Variants in PDE4D observed in about 807,000 individuals in gnomAD.
PDE4D encodes the protein phosphodiesterase 4D.
In PDE4D, 24 loss-of-function variants were observed where a neutral mutation model predicts 87.4. The observed-to-expected ratio is 0.27, with a 90% CI of 0.20 to 0.39. The LOEUF is 0.39. Among genes scored for constraint, PDE4D ranks in the 10% least tolerant of loss-of-function variants. PDE4D has a pLI of 1.00. For synonymous variants in PDE4D, 384 were observed against 383.2 expected (o/e 1.00, Z -0.02); for missense variants, 714 against 1,041.0 (o/e 0.69, Z 4.32).
chr5:59,097,974 T>C (rs1036461046), intron 5 of PDE4D, among the ~76,000 whole-genome samples: 3 of 152,122 alleles, frequency 2.0e-5, no homozygotes, highest in Admixed American at 6.6e-5. Flanking sequence ...GAAATAGGGT[T>C]TTACATCCTA....
At chr5:59,359,807 A>G (rs1781923453) in intron 1 of PDE4D, among the ~76,000 whole-genome samples, 1 of 152,208 alleles carries the variant, frequency 6.6e-6, no homozygotes, top group Admixed American at 6.5e-5. Flanking sequence ...ATTCAATAGC[A>G]AGGAGAGATG....
chr5:59,569,121 A>G (rs1162445443), intron 1 of PDE4D, among the ~76,000 whole-genome samples: 9 of 152,200 alleles, frequency 5.9e-5, no homozygotes, highest in African/African-American at 2.2e-4. Context: ...GTAAGGCCTA[A>G]TCTTACTGAC....
intron 1 of PDE4D, among the ~76,000 whole-genome samples, chr5:60,342,426 T>A (rs1758393271): frequency 6.6e-6 from 1 of 152,170 alleles, no homozygotes; most frequent in Non-Finnish European, 1.5e-5. Flanking sequence ...TGCGTCAGTA[T>A]CTTAGTCTTT....
chr5:59,234,277 CTTTCT>C (rs1478392896), intron 1 of PDE4D, among the ~76,000 whole-genome samples: 2 of 151,914 alleles, frequency 1.3e-5, no homozygotes, highest in Non-Finnish European at 1.5e-5. Context: ...TGTATTTTGT[CTTTCT>C]TTTTTCTTTT....
chr5:60,392,196 A>G (rs1421905081), intron 1 of PDE4D, among the ~76,000 whole-genome samples: 2 of 152,170 alleles, frequency 1.3e-5, no homozygotes, highest in African/African-American at 2.4e-5. Context: ...GTTTGTACTG[A>G]TGGTTTTTAT....
intron 1 of PDE4D, among the ~76,000 whole-genome samples, chr5:59,354,486 T>A (rs1441019926): frequency 4.6e-5 from 7 of 152,186 alleles, no homozygotes. Flanking sequence ...TGCGTGCATG[T>A]GCCTGTGTGT....
At chr5:59,217,543 T>C (rs1751531109) in intron 1 of PDE4D, among the ~76,000 whole-genome samples, 1 of 152,186 alleles carries the variant, frequency 6.6e-6, no homozygotes, top group Admixed American at 6.5e-5. Context: ...TTTTTCCAAC[T>C]TAAAATTTTC....
intron 5 of PDE4D, among the ~76,000 whole-genome samples, chr5:59,170,540 G>A (rs1782597495): frequency 6.6e-6 from 1 of 152,084 alleles, no homozygotes; most frequent in African/African-American, 2.4e-5. Context: ...GAAATAACAT[G>A]TTTGTCACTA....
intron 1 of PDE4D, among the ~76,000 whole-genome samples, chr5:60,445,897 G>A (rs563363362): frequency 1.2e-4 from 18 of 151,686 alleles, no homozygotes; most frequent in Non-Finnish European, 2.4e-4. Flanking sequence ...TAAGAAACTT[G>A]GAAAAAAATA....
At chr5:60,276,646 A>C (rs1048471703) in intron 1 of PDE4D, among the ~76,000 whole-genome samples, 3 of 152,098 alleles carry the variant, frequency 2.0e-5, no homozygotes, top group African/African-American at 7.2e-5. Context: ...TTCTTTCCAC[A>C]AATTCTCTCT....
intron 2 of PDE4D, among the ~76,000 whole-genome samples, chr5:60,153,030 G>C (rs544840151): frequency 1.3e-5 from 2 of 152,152 alleles, no homozygotes; most frequent in East Asian, 3.9e-4. Context: ...TAGACAAGTG[G>C]GACTACATCA....
upstream of PDE4D, chr5:59,893,881 C>CTTGGTGACTTGGGG: frequency 8.3e-7 from 1 of 1,199,338 alleles, no homozygotes; most frequent in Non-Finnish European, 1.1e-6. Flanking sequence ...CTCCCCAAGT[C>CTTGGTGACTTGGGG]ACCAAGACTA....
chr5:59,049,554 A>G (rs924055684), intron 5 of PDE4D, among the ~76,000 whole-genome samples: 1 of 152,232 alleles, frequency 6.6e-6, no homozygotes, highest in Admixed American at 6.5e-5. Context: ...TTCATATGTA[A>G]TGATCCTTAC....
intron 2 of PDE4D, among the ~76,000 whole-genome samples, chr5:60,064,305 G>A (rs1253437562): frequency 1.3e-5 from 2 of 152,002 alleles, no homozygotes. Context: ...GTTTTATTGT[G>A]CATATTTTAT....
chr5:59,748,768 C>G (rs369763009), intron 1 of PDE4D, among the ~76,000 whole-genome samples: 3 of 152,082 alleles, frequency 2.0e-5, no homozygotes, highest in Non-Finnish European at 4.4e-5. Flanking sequence ...CAAACCTGCA[C>G]GCTGTGCACA....
At chr5:59,563,625 T>C (rs964767630) in intron 1 of PDE4D, among the ~76,000 whole-genome samples, 24 of 152,192 alleles carry the variant, frequency 1.6e-4, no homozygotes, top group Non-Finnish European at 2.6e-4. Context: ...ATTTGCCTTA[T>C]TGTACAGAGG....
At chr5:60,147,041 C>G (rs1582864251) in intron 2 of PDE4D, among the ~76,000 whole-genome samples, 1 of 152,098 alleles carries the variant, frequency 6.6e-6, no homozygotes, top group East Asian at 1.9e-4. Context: ...ATACAAGCAC[C>G]ATTCAAATGA....
chr5:59,665,881 C>T (rs1745998469), intron 1 of PDE4D, among the ~76,000 whole-genome samples: 1 of 152,152 alleles, frequency 6.6e-6, no homozygotes, highest in Non-Finnish European at 1.5e-5. Flanking sequence ...CACCAGACAC[C>T]AAATCTGTAG....
intron 1 of PDE4D, among the ~76,000 whole-genome samples, chr5:59,715,354 CT>C (rs368840799): frequency 2.9e-4 from 44 of 152,328 alleles, no homozygotes; most frequent in African/African-American, 1.1e-3. Context: ...TGAAGCACCC[CT>C]ACATGCTGAG....
Sources: allele counts gnomAD v4.1 joint callset (sites outside exome capture counted in the v4.1 genomes callset), GRCh38; gene constraint gnomAD v4.1.1; transcripts MANE v1.5; gene names NCBI Gene and HGNC (gene_info 2026-07-23, HGNC 2026-07-21).